Variants in SNTG1 observed in about 807,000 individuals in gnomAD.
SNTG1 encodes syntrophin gamma 1, also known as gamma-1-syntrophin.
Under a neutral mutation model 74.7 loss-of-function variants are expected in SNTG1, and 39 were observed. The observed-to-expected ratio is 0.52, with a 90% CI of 0.40 to 0.68. SNTG1 has a LOEUF of 0.68. SNTG1 is among the 30% of genes least tolerant of loss of function. SNTG1 has a pLI of 0.00. For synonymous variants in SNTG1, 254 were observed against 217.1 expected (o/e 1.17, Z -1.49); for missense variants, 685 against 609.5 (o/e 1.12, Z -1.30).
intron 1 of SNTG1, among the ~76,000 whole-genome samples, chr8:49,919,038 G>A (rs182805491): frequency 1.3e-5 from 2 of 152,172 alleles, no homozygotes; most frequent in African/African-American, 2.4e-5. Context: ...GTTTGCCTAC[G>A]TGATAACATT....
chr8:50,006,152 G>C (rs13273334), intron 1 of SNTG1, among the ~76,000 whole-genome samples: 97,323 of 151,310 alleles, frequency 0.64, 35,361 homozygotes, highest in East Asian at 0.84. Flanking sequence ...CAGTAATGAC[G>C]GGGTTTCATC....
At chr8:50,780,614 C>T (rs1382341525) in intron 18 of SNTG1, among the ~76,000 whole-genome samples, 1 of 152,118 alleles carries the variant, frequency 6.6e-6, no homozygotes, top group Non-Finnish European at 1.5e-5. Context: ...ATTAGCCTTG[C>T]TAGTGGTCTA....
chr8:50,450,219 G>A (rs1052493627), intron 6 of SNTG1, among the ~76,000 whole-genome samples: 1 of 152,250 alleles, frequency 6.6e-6, no homozygotes, highest in East Asian at 1.9e-4. Context: ...CATAGCTGAC[G>A]GATTGAATGT....
chr8:50,421,319 T>C (rs1379600449), intron 4 of SNTG1, among the ~76,000 whole-genome samples: 2 of 152,190 alleles, frequency 1.3e-5, no homozygotes, highest in Non-Finnish European at 2.9e-5. Context: ...TTTATGGTTA[T>C]TTCTTGATTG....
At chr8:50,606,367 T>A (rs1041434135) in intron 13 of SNTG1, among the ~76,000 whole-genome samples, 1 of 152,120 alleles carries the variant, frequency 6.6e-6, no homozygotes, top group Non-Finnish European at 1.5e-5. Context: ...TGTATACATA[T>A]CATGCATACT....
intron 18 of SNTG1, among the ~76,000 whole-genome samples, chr8:50,753,709 T>C (rs939935685): frequency 2.0e-5 from 3 of 151,914 alleles, no homozygotes; most frequent in African/African-American, 7.2e-5. Flanking sequence ...CTTTCTCTCA[T>C]ATGTAATTCA....
intron 1 of SNTG1, among the ~76,000 whole-genome samples, chr8:50,137,891 ACTC>A (rs1170376568): frequency 5.9e-5 from 9 of 151,924 alleles, no homozygotes; most frequent in Admixed American, 5.9e-4. Context: ...TCTTGGAGTG[ACTC>A]CTCAAGACAG....
rs2095656346 is a variant in SNTG1 at position 50,780,641 on chromosome 8, T to C, written c.1396-12030T>C. On this transcript the variant is annotated intron_variant, in intron 18 of 18. Coordinates refer to ENST00000642720, the MANE Select transcript of SNTG1 (RefSeq NM_018967.5). ...AGTGGTCTATCAACTTTGTTGATCT[T>C]TTCAAAAAACCAGCTCCTGGATTCT... 3.3e-5 allele frequency among the ~76,000 whole-genome samples: 5 copies of C among 152,320 alleles called. No individual in the cohort carries two copies. The South Asian group carries it at 1.0e-3, about 32-fold the overall frequency.
chr8:50,405,924 T>G (rs887859772), intron 4 of SNTG1, among the ~76,000 whole-genome samples: 1 of 152,150 alleles, frequency 6.6e-6, no homozygotes. Context: ...TATTCTAGTT[T>G]ATTAGTCTAT....
At chr8:50,233,315 A>G (rs1315901777) in intron 2 of SNTG1, among the ~76,000 whole-genome samples, 3 of 151,700 alleles carry the variant, frequency 2.0e-5, no homozygotes, top group Non-Finnish European at 4.4e-5. Flanking sequence ...GAGGAAGGAT[A>G]GTCTTTTCAA....
intron 1 of SNTG1, among the ~76,000 whole-genome samples, chr8:50,009,709 T>C (rs1053992826): frequency 6.6e-6 from 1 of 152,296 alleles, no homozygotes. Context: ...AATAATAGTA[T>C]GTACAAGGCT....
intron 1 of SNTG1, among the ~76,000 whole-genome samples, chr8:49,922,718 T>G (rs2129345336): frequency 6.6e-6 from 1 of 152,236 alleles, no homozygotes; most frequent in South Asian, 2.1e-4. Context: ...TCATGAATAA[T>G]TATCTGGTTT....
At chr8:50,208,116 A>G (rs189398154) in intron 2 of SNTG1, among the ~76,000 whole-genome samples, 2 of 152,252 alleles carry the variant, frequency 1.3e-5, no homozygotes, top group East Asian at 1.9e-4. Context: ...ATTCCTGGAT[A>G]TCCTTCTTAA....
intron 1 of SNTG1, among the ~76,000 whole-genome samples, chr8:50,065,739 T>C (rs1820845384): frequency 6.6e-6 from 1 of 152,216 alleles, no homozygotes; most frequent in Admixed American, 6.5e-5. Flanking sequence ...TTCTTAAATA[T>C]GCTGTTTAAC....
chr8:50,316,791 CAAATA>C (rs1190989267), intron 2 of SNTG1, among the ~76,000 whole-genome samples: 1 of 152,002 alleles, frequency 6.6e-6, no homozygotes, highest in Non-Finnish European at 1.5e-5. Flanking sequence ...ATGCAATCAA[CAAATA>C]CATATTGAAC....
At chr8:50,000,530 A>C (rs528137458) in intron 1 of SNTG1, among the ~76,000 whole-genome samples, 1 of 152,214 alleles carries the variant, frequency 6.6e-6, no homozygotes, top group African/African-American at 2.4e-5. Context: ...TTAAAGACTT[A>C]CATTTTTGTG....
chr8:50,735,485 T>C (rs1267066761), intron 17 of SNTG1, among the ~76,000 whole-genome samples: 1 of 151,662 alleles, frequency 6.6e-6, no homozygotes, highest in African/African-American at 2.4e-5. Flanking sequence ...TACACAAGTA[T>C]CAATAGTCAA....
At chr8:50,411,476 C>CA (rs148341471) in intron 4 of SNTG1, among the ~76,000 whole-genome samples, 6,988 of 144,056 alleles carry the variant, frequency 0.049, 212 homozygotes, top group Middle Eastern at 0.092. Context: ...GACTCCATCT[C>CA]AAAAAAAAAA....
intron 12 of SNTG1, among the ~76,000 whole-genome samples, chr8:50,563,420 C>T (rs1366668319): frequency 1.3e-5 from 2 of 152,084 alleles, no homozygotes; most frequent in South Asian, 2.1e-4. Context: ...TTACATGTTC[C>T]GTGGGGCCAC....
Sources: gnomAD v4.1 joint callset for allele counts (sites outside exome capture counted in the v4.1 genomes callset) on GRCh38, gnomAD v4.1.1 for gene constraint, MANE v1.5 for transcripts, NCBI Gene and HGNC (gene_info 2026-07-23, HGNC 2026-07-21) for gene names.